Variants in DTNBP1 observed in about 807,000 individuals in gnomAD.
DTNBP1 encodes the protein dystrobrevin binding protein 1.
Under a neutral mutation model 42.8 loss-of-function variants are expected in DTNBP1, and 35 were observed. The ratio of observed to expected loss-of-function variants is 0.82; its 90% CI spans 0.63 to 1.09. The LOEUF (loss-of-function observed/expected upper bound fraction) is 1.09, where lower values mean the gene tolerates loss of function less well. DTNBP1 is among the 50% of genes least tolerant of loss of function. The pLI is 0.00. For missense variants in DTNBP1, 457 were observed against 424.2 expected (o/e 1.08, Z -0.68); for synonymous variants, 171 against 162.2 (o/e 1.05, Z -0.41).
chr6:15,653,835 C>T (rs1430934447), intron 1 of DTNBP1, among the ~76,000 whole-genome samples: 1 of 152,224 alleles, frequency 6.6e-6, no homozygotes, highest in Non-Finnish European at 1.5e-5. Flanking sequence ...GCTGCTCCTT[C>T]CTCCAGACAC....
intron 6 of DTNBP1, among the ~76,000 whole-genome samples, chr6:15,604,564 T>C (rs1369796216): frequency 1.3e-5 from 2 of 152,318 alleles, no homozygotes; most frequent in East Asian, 3.9e-4. Context: ...TCTCCCCAGC[T>C]TGCCAGTCTC....
At position 15,652,039 on chromosome 6, in the gene DTNBP1, G is replaced by C; in HGVS notation, c.110+48C>G. The C allele has an allele frequency of 2.0e-6, 3 of 1,536,846 alleles. 1 individual carries two copies. In the East Asian group the frequency reaches 6.8e-5, roughly 35 times the overall value. On this transcript the variant is annotated intron_variant, in intron 2 of 9. Transcript: ENST00000344537. ...CACAATTGTGAATACACCAAAAGTT[G>C]TATGAAATTTAAGTCACAGTTAAGT...
chr6:15,660,429 G>A, intron 1 of DTNBP1: 1 of 1,289,790 alleles, frequency 7.8e-7, no homozygotes. Context: ...TCTACTGGGA[G>A]ACTGACATCA....
intron 7 of DTNBP1, among the ~76,000 whole-genome samples, chr6:15,563,798 C>T (rs1412735503): frequency 6.6e-6 from 1 of 152,216 alleles, no homozygotes; most frequent in Non-Finnish European, 1.5e-5. Context: ...TGGCTCACAC[C>T]TACAATCCCA....
intron 6 of DTNBP1, 167 bp downstream of exon 6, chr6:15,615,100 A>G: frequency 1.0e-6 from 1 of 959,584 alleles, no homozygotes; most frequent in Non-Finnish European, 1.6e-6. Flanking sequence ...TCTCCAAAAG[A>G]TGGCAACAGA....
chr6:15,629,092 A>G (rs1055489618), intron 4 of DTNBP1, among the ~76,000 whole-genome samples: 1 of 152,234 alleles, frequency 6.6e-6, no homozygotes, highest in African/African-American at 2.4e-5. Flanking sequence ...AGCTTAAAAC[A>G]TACTGAAAAA....
Position 15,523,922 on chromosome 6 carries a change from C to G in DTNBP1, c.811+604G>C, listed in dbSNP as rs368359659. On this transcript the variant is annotated intron_variant, in intron 9 of 9. Coordinates refer to ENST00000344537, the MANE Select transcript of DTNBP1 (RefSeq NM_032122.5). Reference sequence around the variant, plus strand: ...GATGGCTGAGGTGCTGCTGGGACGACTGAGCTTTGCCTTGACCCAGCCCAA... The same window carrying G: ...GATGGCTGAGGTGCTGCTGGGACGAGTGAGCTTTGCCTTGACCCAGCCCAA... 4 of 1,287,332 alleles carry G rather than the reference C, an allele frequency of 3.1e-6. No homozygotes were observed. The South Asian group carries it at 3.7e-5, about 12-fold the overall frequency. The allele number at this position is 1,287,332 out of a possible 1,614,324, so 79.7% of individuals were successfully genotyped here.
intron 5 of DTNBP1, among the ~76,000 whole-genome samples, chr6:15,617,193 A>G (rs947861016): frequency 1.3e-5 from 2 of 152,090 alleles, no homozygotes; most frequent in African/African-American, 4.8e-5. Context: ...CTACAAGACA[A>G]AGTATAAAAC....
intron 1 of DTNBP1, among the ~76,000 whole-genome samples, chr6:15,652,657 T>A (rs1761074154): frequency 6.6e-6 from 1 of 152,170 alleles, no homozygotes. Context: ...AGAGATGGTC[T>A]CACTCTGTTG....
intron 1 of DTNBP1, among the ~76,000 whole-genome samples, chr6:15,657,894 C>A (rs949600937): frequency 2.6e-5 from 4 of 152,228 alleles, no homozygotes; most frequent in Non-Finnish European, 5.9e-5. Context: ...CCAAATCTAT[C>A]GCAATTTCTC....
Position 15,651,295 on chromosome 6 carries a change from T to C in DTNBP1, c.161+18A>G, listed in dbSNP as rs745953428. The C allele has an allele frequency of 1.9e-6, 3 of 1,610,148 alleles. No homozygotes were observed. The highest frequency in any genetic ancestry group is 2.5e-6 in the Non-Finnish European group (3 of 1,178,236). On this transcript the variant is annotated intron_variant, in intron 3 of 9. Coordinates refer to ENST00000344537, the MANE Select transcript of DTNBP1 (RefSeq NM_032122.5). ...AAAAGTCAGAAGTATAACCTTCCTC[T>C]ACAAATGAAACACTTACCTGCTAAG... is the stretch of plus-strand genomic sequence containing the variant.
At chr6:15,596,040 G>A (rs542027237) in intron 6 of DTNBP1, among the ~76,000 whole-genome samples, 6 of 152,330 alleles carry the variant, frequency 3.9e-5, no homozygotes, top group South Asian at 4.1e-4. Flanking sequence ...GGAAACTCAC[G>A]TTGGGGGCAC....
chr6:15,620,632 T>G (rs1444149807), intron 5 of DTNBP1, among the ~76,000 whole-genome samples: 2 of 152,232 alleles, frequency 1.3e-5, no homozygotes, highest in Non-Finnish European at 2.9e-5. Flanking sequence ...AACACTATCA[T>G]AGCTAATAGG....
intron 7 of DTNBP1, among the ~76,000 whole-genome samples, chr6:15,542,148 AT>A: frequency 6.6e-6 from 1 of 152,250 alleles, no homozygotes; most frequent in East Asian, 1.9e-4. Flanking sequence ...GAGTTAGGAA[AT>A]ATGAGTTTTG....
chr6:15,597,927 G>C (rs912627221), intron 6 of DTNBP1, among the ~76,000 whole-genome samples: 1 of 152,176 alleles, frequency 6.6e-6, no homozygotes, highest in African/African-American at 2.4e-5. Flanking sequence ...TCTAAAAATT[G>C]AGTTTATTTC....
chr6:15,566,253 T>C (rs1299471360), intron 7 of DTNBP1, among the ~76,000 whole-genome samples: 1 of 145,504 alleles, frequency 6.9e-6, no homozygotes, highest in African/African-American at 2.6e-5. Flanking sequence ...AGGCGGAGCT[T>C]GCAGTGAGCC....
At chr6:15,614,463 C>T (rs1034376332) in intron 6 of DTNBP1, among the ~76,000 whole-genome samples, 12 of 152,098 alleles carry the variant, frequency 7.9e-5, no homozygotes, top group African/African-American at 1.2e-4. Context: ...TAGCAAAGCC[C>T]GCCTCCAGCT....
chr6:15,657,557 G>C lies in DTNBP1; in HGVS notation c.56+5257C>G, dbSNP rs139755207. On this transcript the variant is annotated intron_variant, in intron 1 of 9. Coordinates refer to ENST00000344537, the MANE Select transcript of DTNBP1 (RefSeq NM_032122.5). Reference sequence around the variant, plus strand: ...ATCTTCCTATCACACAGCCTCTCAAGTTATTCTTCCAGAAACACAGAAATA... The same window carrying C: ...ATCTTCCTATCACACAGCCTCTCAACTTATTCTTCCAGAAACACAGAAATA... 4.9e-3 allele frequency among the ~76,000 whole-genome samples: 746 copies of C among 152,210 alleles called. 7 individuals carry two copies. Among genetic ancestry groups the C allele is most frequent in the African/African-American group, 0.016 (683 of 41,536 alleles).
At chr6:15,656,288 G>A (rs1581443219) in intron 1 of DTNBP1, among the ~76,000 whole-genome samples, 2 of 152,152 alleles carry the variant, frequency 1.3e-5, no homozygotes, top group African/African-American at 2.4e-5. Context: ...AGTGCTGTGT[G>A]AGCATATTAA....
Sources: gnomAD v4.1 joint callset for allele counts (sites outside exome capture counted in the v4.1 genomes callset) on GRCh38, gnomAD v4.1.1 for gene constraint, MANE v1.5 for transcripts, NCBI Gene and HGNC (gene_info 2026-07-23, HGNC 2026-07-21) for gene names.